LZTFL1: variants seen among roughly 807,000 people sequenced by gnomAD.
The protein encoded by LZTFL1 is leucine zipper transcription factor-like protein 1.
LZTFL1 carries 25 observed loss-of-function variants against 45.9 expected under a neutral mutation model. The observed-to-expected ratio is 0.54, with a 90% CI of 0.40 to 0.76. LZTFL1 has a LOEUF of 0.76. LZTFL1 is among the 30% of genes least tolerant of loss of function. The pLI is 0.00. For missense variants in LZTFL1, 277 were observed against 331.1 expected (o/e 0.84, Z 1.27); for synonymous variants, 93 against 117.4 (o/e 0.79, Z 1.35).
At position 45,860,628 on chromosome 3, in the gene LZTFL1, C is replaced by A. The variant is rs530703090; in HGVS notation, c.-214-1612G>T. 2.0e-5 allele frequency among the ~76,000 whole-genome samples: 3 copies of A among 152,202 alleles called. No homozygotes were observed. The South Asian group carries it at 6.2e-4, about 32-fold the overall frequency. On this transcript the variant is annotated intron_variant, in intron 2 of 4. Transcript: ENST00000472635. ...TTAGATTTTGTCAAAATAATTAGGC[C>A]AGGCTCATATGCTTCAGTATGAGGC... is the stretch of plus-strand genomic sequence containing the variant.
chr3:45,865,548 A>T (rs1278955440), intron 2 of LZTFL1, among the ~76,000 whole-genome samples: 2 of 152,266 alleles, frequency 1.3e-5, no homozygotes, highest in African/African-American at 4.8e-5. Flanking sequence ...TGTATGACGA[A>T]CTAGGAAAGG....
chr3:45,826,800 T>C (rs768351880), intron 9 of LZTFL1, among the ~76,000 whole-genome samples: 1 of 152,184 alleles, frequency 6.6e-6, no homozygotes, highest in Non-Finnish European at 1.5e-5. Context: ...TATAAATACA[T>C]GGTGGGAGCC....
intron 5 of LZTFL1, 115 bp from the exon 6 acceptor site, chr3:45,831,253 A>G (rs1177964209): frequency 8.1e-6 from 5 of 615,194 alleles, no homozygotes; most frequent in Non-Finnish European, 1.4e-5. Flanking sequence ...AATAGCTCAA[A>G]AATGTACTAC....
intron 2 of LZTFL1, chr3:45,897,660 G>C (rs1402967060): frequency 6.7e-7 from 1 of 1,492,254 alleles, no homozygotes; most frequent in Non-Finnish European, 9.0e-7. Flanking sequence ...AAGTGATGCT[G>C]GCCTTCCCAC....
chr3:45,861,223 A>C (rs530873112), intron 2 of LZTFL1, among the ~76,000 whole-genome samples: 1 of 152,042 alleles, frequency 6.6e-6, no homozygotes, highest in South Asian at 2.1e-4. Flanking sequence ...AAAAAAAAAA[A>C]AAACCCCAAA....
intron 4 of LZTFL1, 62 bp from the exon 5 acceptor site, chr3:45,833,183 A>G: frequency 8.7e-7 from 1 of 1,155,860 alleles, no homozygotes; most frequent in Non-Finnish European, 1.3e-6. Context: ...ATAATCATTG[A>G]ACACTTGCAC....
intron 2 of LZTFL1, among the ~76,000 whole-genome samples, chr3:45,904,995 CT>C (rs1164892852): frequency 1.3e-5 from 2 of 152,180 alleles, no homozygotes; most frequent in African/African-American, 4.8e-5. Context: ...GGTTCTTCTC[CT>C]ATACATTGGA....
chr3:45,890,277 T>TATATAAATATATATATAAC (rs1559421375), intron 2 of LZTFL1, among the ~76,000 whole-genome samples: 1,477 of 69,376 alleles, frequency 0.021, 510 homozygotes, highest in African/African-American at 0.069. Flanking sequence ...ATAACATATA[T>TATATAAATATATATATAAC]ATATATTTAT....
At chr3:45,827,074 G>C in intron 9 of LZTFL1, 1 of 375,930 alleles carries the variant, frequency 2.7e-6, no homozygotes, top group South Asian at 4.2e-5. Flanking sequence ...CGAGCTTGCT[G>C]TGTTTCCTGT....
chr3:45,899,360 A>G (rs1017685393), intron 2 of LZTFL1, among the ~76,000 whole-genome samples: 2 of 152,246 alleles, frequency 1.3e-5, no homozygotes, highest in African/African-American at 4.8e-5. Context: ...ATTACAATGT[A>G]TACAGATAGG....
At chr3:45,860,473 T>G (rs866464608) in intron 2 of LZTFL1, among the ~76,000 whole-genome samples, 15 of 152,114 alleles carry the variant, frequency 9.9e-5, no homozygotes, top group South Asian at 4.1e-4. Context: ...GCTTTTTTTT[T>G]TTTGTTTTTT....
intron 2 of LZTFL1, among the ~76,000 whole-genome samples, chr3:45,881,605 TTCCTG>T (rs1350581646): frequency 1.3e-5 from 2 of 152,192 alleles, no homozygotes; most frequent in Admixed American, 1.3e-4. Flanking sequence ...TTTCTCCTCA[TTCCTG>T]TCCTTTAAGG....
intron 2 of LZTFL1, among the ~76,000 whole-genome samples, chr3:45,876,522 T>C (rs1701751305): frequency 6.6e-6 from 1 of 152,146 alleles, no homozygotes. Context: ...TAGAGCTGGA[T>C]AGACCCCAGA....
intron 2 of LZTFL1, among the ~76,000 whole-genome samples, chr3:45,880,727 T>C (rs1186685622): frequency 6.6e-6 from 1 of 152,170 alleles, no homozygotes; most frequent in Non-Finnish European, 1.5e-5. Flanking sequence ...CCTCTGCTGA[T>C]AATGGCTGCT....
chr3:45,839,167 C>T (rs192718303), intron 1 of LZTFL1, among the ~76,000 whole-genome samples: 74 of 152,322 alleles, frequency 4.9e-4, no homozygotes, highest in African/African-American at 1.7e-3. Flanking sequence ...CGGCTCACTG[C>T]AAGTTCCGCC....
intron 2 of LZTFL1, among the ~76,000 whole-genome samples, chr3:45,893,931 G>T (rs765258798): frequency 6.6e-6 from 1 of 152,204 alleles, no homozygotes; most frequent in Non-Finnish European, 1.5e-5. Context: ...GAAAAGCAGG[G>T]TGGGGTCATG....
At chr3:45,859,823 G>C (rs1429693281) in intron 2 of LZTFL1, among the ~76,000 whole-genome samples, 1 of 152,064 alleles carries the variant, frequency 6.6e-6, no homozygotes, top group Non-Finnish European at 1.5e-5. Context: ...TTTTAGTAGA[G>C]ACAGGGTTTC....
At chr3:45,838,506 A>G (rs575842273) in intron 1 of LZTFL1, among the ~76,000 whole-genome samples, 2 of 152,312 alleles carry the variant, frequency 1.3e-5, no homozygotes, top group African/African-American at 4.8e-5. Context: ...AGCGAAATAA[A>G]CTTCTGTATT....
chr3:45,870,688 C>T (rs1701657863), intron 2 of LZTFL1, among the ~76,000 whole-genome samples: 1 of 152,192 alleles, frequency 6.6e-6, no homozygotes, highest in African/African-American at 2.4e-5. Flanking sequence ...TTATAGGAAT[C>T]CTAAAATATT....
Sources: gnomAD v4.1 joint callset for allele counts (sites outside exome capture counted in the v4.1 genomes callset) on GRCh38, gnomAD v4.1.1 for gene constraint, MANE v1.5 for transcripts, NCBI Gene and HGNC (gene_info 2026-07-23, HGNC 2026-07-21) for gene names.